CDK14: variants seen among roughly 807,000 people sequenced by gnomAD.
CDK14 encodes the protein cyclin dependent kinase 14, also known as cyclin-dependent kinase 14.
A neutral mutation model predicts 60.7 loss-of-function variants in CDK14; 34 were observed. The observed-to-expected ratio is 0.56, with a 90% CI of 0.43 to 0.75. The LOEUF is 0.75. CDK14 is among the 30% of genes least tolerant of loss of function. The probability of loss-of-function intolerance (pLI) is 0.00; values close to 1 mark genes in which losing one functional copy is unlikely to be tolerated. For synonymous variants in CDK14, 197 were observed against 203.7 expected, an observed-to-expected ratio of 0.97 and a Z score of 0.28; for missense variants, 482 against 564.1, an observed-to-expected ratio of 0.85 and a Z score of 1.47.
chr7:90,811,378 A>G (rs1159815960), intron 5 of CDK14, among the ~76,000 whole-genome samples: 2 of 152,054 alleles, frequency 1.3e-5, no homozygotes, highest in African/African-American at 4.8e-5. Context: ...AGGATTCCCT[A>G]TTTAATAAAT....
intron 11 of CDK14, among the ~76,000 whole-genome samples, chr7:91,064,235 A>G (rs1423442171): frequency 2.0e-5 from 3 of 152,014 alleles, no homozygotes; most frequent in Non-Finnish European, 4.4e-5. Context: ...AGGAGTTTTG[A>G]TCTGTTTGTT....
intron 6 of CDK14, among the ~76,000 whole-genome samples, chr7:90,883,524 T>C (rs1472663834): frequency 6.6e-6 from 1 of 152,180 alleles, no homozygotes; most frequent in Admixed American, 6.5e-5. Context: ...GACGAGCTGC[T>C]ACCATTCCTT....
intron 5 of CDK14, among the ~76,000 whole-genome samples, chr7:90,808,257 A>C (rs1428766623): frequency 3.9e-5 from 6 of 152,260 alleles, no homozygotes; most frequent in Non-Finnish European, 1.5e-5. Context: ...TCAGACTAAC[A>C]GTGGATCTCT....
At chr7:91,048,127 G>A (rs188727808) in intron 11 of CDK14, among the ~76,000 whole-genome samples, 4 of 152,248 alleles carry the variant, frequency 2.6e-5, no homozygotes. Flanking sequence ...GGAACAAGGA[G>A]CGTAGTGCAG....
chr7:91,199,878 A>G lies in CDK14; in HGVS notation c.*29-7287A>G, dbSNP rs909873067. Reference sequence around the variant, plus strand: ...TAAAACAAAGCCTGACTATCTCTGCATTCATTTTAATTAATATTCTCTTGC... The same window carrying G: ...TAAAACAAAGCCTGACTATCTCTGCGTTCATTTTAATTAATATTCTCTTGC... On this transcript the variant is annotated intron_variant, in intron 14 of 14. Transcript: ENST00000380050. Among the ~76,000 whole-genome samples, 26 of 152,318 alleles carry G rather than the reference A, an allele frequency of 1.7e-4. 1 individual carries two copies. Among genetic ancestry groups the G allele is most frequent in the African/African-American group, 5.5e-4 (23 of 41,572 alleles).
chr7:90,985,459 A>G (rs2115652535), intron 10 of CDK14, among the ~76,000 whole-genome samples: 1 of 152,308 alleles, frequency 6.6e-6, no homozygotes, highest in East Asian at 1.9e-4. Context: ...TATTTTAATT[A>G]CATCATTTTA....
At chr7:91,198,532 G>A (rs1802622690) in intron 14 of CDK14, among the ~76,000 whole-genome samples, 1 of 152,124 alleles carries the variant, frequency 6.6e-6, no homozygotes, top group African/African-American at 2.4e-5. Context: ...GGCCTCTTGG[G>A]CTTGCATGCA....
intron 14 of CDK14, among the ~76,000 whole-genome samples, chr7:91,130,425 G>A (rs1218762512): frequency 6.6e-6 from 1 of 152,108 alleles, no homozygotes; most frequent in Non-Finnish European, 1.5e-5. Flanking sequence ...AGAAGCAAAA[G>A]TTCTTAGGGG....
At chr7:90,767,954 CATT>C (rs1051926875) in intron 4 of CDK14, among the ~76,000 whole-genome samples, 1 of 152,176 alleles carries the variant, frequency 6.6e-6, no homozygotes, top group Admixed American at 6.5e-5. Flanking sequence ...GCCAATTTTT[CATT>C]ATCTTTGTTC....
intron 5 of CDK14, among the ~76,000 whole-genome samples, chr7:90,852,615 C>A (rs1295438404): frequency 6.6e-6 from 1 of 152,164 alleles, no homozygotes; most frequent in African/African-American, 2.4e-5. Context: ...CTCATAAACA[C>A]CCCGAACATT....
chr7:91,055,222 G>A (rs932414766), intron 11 of CDK14, among the ~76,000 whole-genome samples: 1 of 152,092 alleles, frequency 6.6e-6, no homozygotes, highest in African/African-American at 2.4e-5. Flanking sequence ...TATGGCCAAC[G>A]ATATGAAATA....
chr7:90,869,185 G>A (rs1280385347), intron 6 of CDK14, among the ~76,000 whole-genome samples: 1 of 152,204 alleles, frequency 6.6e-6, no homozygotes, highest in Non-Finnish European at 1.5e-5. Context: ...CAGTCCTTGA[G>A]CAATTGAACA....
chr7:90,596,839 G>A (rs983518538), intron 1 of CDK14, 121 bp downstream of exon 1: 4 of 780,646 alleles, frequency 5.1e-6, no homozygotes, highest in East Asian at 2.7e-5. Flanking sequence ...CGTTGTAGGC[G>A]GGGATCGAGG....
At chr7:90,914,988 T>C (rs1793028195) in intron 7 of CDK14, among the ~76,000 whole-genome samples, 1 of 152,146 alleles carries the variant, frequency 6.6e-6, no homozygotes, top group African/African-American at 2.4e-5. Context: ...ATGCAGAGGC[T>C]GCCCTGGGAG....
intron 2 of CDK14, among the ~76,000 whole-genome samples, chr7:90,665,843 T>C (rs201013845): frequency 1.3e-5 from 1 of 75,380 alleles, no homozygotes; most frequent in Non-Finnish European, 2.5e-5. Context: ...ACTGGGAAGT[T>C]GCTTCATTTA....
intron 2 of CDK14, among the ~76,000 whole-genome samples, chr7:90,689,152 A>C (rs1801503362): frequency 6.6e-6 from 1 of 152,162 alleles, no homozygotes; most frequent in African/African-American, 2.4e-5. Flanking sequence ...TCTGGTGCTC[A>C]AGAATAAGCA....
At chr7:90,813,608 G>T (rs1789227884) in intron 5 of CDK14, among the ~76,000 whole-genome samples, 1 of 152,120 alleles carries the variant, frequency 6.6e-6, no homozygotes, top group Admixed American at 6.5e-5. Context: ...AATTAGCTGG[G>T]CACGGTGGCA....
chr7:91,043,701 G>T (rs562068972), intron 10 of CDK14, among the ~76,000 whole-genome samples: 61 of 152,220 alleles, frequency 4.0e-4, no homozygotes, highest in Middle Eastern at 3.4e-3. Context: ...GACCTAGTTT[G>T]TGTAGATCTA....
intron 5 of CDK14, among the ~76,000 whole-genome samples, chr7:90,816,234 G>C (rs1039363926): frequency 1.3e-5 from 2 of 152,108 alleles, no homozygotes; most frequent in Non-Finnish European, 2.9e-5. Flanking sequence ...TGCCAGGGCA[G>C]CTGGCTGGAG....
Sources: gnomAD v4.1 joint callset for allele counts (sites outside exome capture counted in the v4.1 genomes callset) on GRCh38, gnomAD v4.1.1 for gene constraint, MANE v1.5 for transcripts, NCBI Gene and HGNC (gene_info 2026-07-23, HGNC 2026-07-21) for gene names.